AXDND1: variants seen among roughly 807,000 people sequenced by gnomAD.
The protein encoded by AXDND1 is axonemal dynein light chain domain containing 1.
Under a neutral mutation model 137.5 loss-of-function variants are expected in AXDND1, and 110 were observed. That is an observed-to-expected ratio of 0.80 (90% CI 0.69 to 0.94). The LOEUF (loss-of-function observed/expected upper bound fraction) is 0.94. Among genes scored for constraint, AXDND1 ranks in the 40% least tolerant of loss-of-function variants. The pLI is 0.00. For synonymous variants in AXDND1, 414 were observed against 399.7 expected (o/e 1.04, Z -0.43); for missense variants, 1,191 against 1,169.8 (o/e 1.02, Z -0.26).
intron 12 of AXDND1, among the ~76,000 whole-genome samples, chr1:179,425,034 C>T (rs1450208947): frequency 6.6e-6 from 1 of 152,176 alleles, no homozygotes; most frequent in African/African-American, 2.4e-5. Context: ...GAGTCACTCA[C>T]TTGTTCCTTG....
chr1:179,375,557 C>CACATATATGTACATACATATATGT lies in AXDND1; in HGVS notation c.375-3068_375-3045dup, dbSNP rs1295388672. ...TATGTATATACAGGTATATACTGTA[C>CACATATATGTACATACATATATGT]ACATATATGTACATACATATATGTA... On this transcript the variant is annotated intron_variant, in intron 4 of 25. Coordinates refer to ENST00000367618, the MANE Select transcript of AXDND1 (RefSeq NM_144696.6). Among the ~76,000 whole-genome samples, 81 of 150,054 alleles carry CACATATATGTACATACATATATGT rather than the reference C, an allele frequency of 5.4e-4. 1 individual carries two copies. The highest frequency in any genetic ancestry group is 1.8e-3 in the African/African-American group (72 of 40,788).
chr1:179,552,086 A>T (rs1572259384), intron 25 of AXDND1: 2 of 168,074 alleles, frequency 1.2e-5, no homozygotes, highest in Admixed American at 1.1e-4. Flanking sequence ...CCTCACCCAC[A>T]CCTCAGTTAC....
At chr1:179,369,077 A>C in intron 3 of AXDND1, 105 bp downstream of exon 3, 7 of 1,195,866 alleles carry the variant, frequency 5.9e-6, no homozygotes, top group Non-Finnish European at 8.0e-6. Flanking sequence ...GATAGCCTTA[A>C]AAATTTTAAG....
chr1:179,382,900 G>T, intron 7 of AXDND1, 144 bp downstream of exon 7: 2 of 539,884 alleles, frequency 3.7e-6, no homozygotes, highest in Non-Finnish European at 3.2e-6. Context: ...CATCTAATCA[G>T]TGTTTTCGTT....
At chr1:179,544,817 T>C (rs1672504431) in intron 25 of AXDND1, 1 of 152,166 alleles carries the variant, frequency 6.6e-6, no homozygotes, top group Admixed American at 6.5e-5. Flanking sequence ...CCCTGCAAAG[T>C]AGGTGGAGGA....
chr1:179,500,765 G>A (rs1214322408), intron 20 of AXDND1, among the ~76,000 whole-genome samples: 3 of 152,230 alleles, frequency 2.0e-5, no homozygotes, highest in South Asian at 2.1e-4. Flanking sequence ...TCTGCCTCTC[G>A]GGTTCAAGAG....
At chr1:179,498,750 A>G (rs758106236) in intron 20 of AXDND1, among the ~76,000 whole-genome samples, 3 of 152,204 alleles carry the variant, frequency 2.0e-5, no homozygotes, top group South Asian at 4.1e-4. Context: ...CAAATAACCC[A>G]CTTAAAAATG....
In AXDND1 at chr1:179,533,888, G is replaced by A; in HGVS notation, c.2798+11G>A. ...GCAGGAGAAGTTACTGTAAGTATGA[G>A]TCAACACAATGGTAAGAGGATGAAA... On this transcript the variant is annotated intron_variant, in intron 24 of 25. Transcript: ENST00000367618. 1 of 1,607,120 alleles carries A rather than the reference G, an allele frequency of 6.2e-7. No homozygotes were observed. Among genetic ancestry groups the A allele is most frequent in the Non-Finnish European group, 8.5e-7 (1 of 1,174,188 alleles).
intron 17 of AXDND1, 80 bp from the exon 18 acceptor site, chr1:179,483,048 A>G (rs1665613058): frequency 2.1e-6 from 2 of 948,234 alleles, no homozygotes; most frequent in Non-Finnish European, 1.6e-6. Context: ...CAGCCAAATA[A>G]AACTCTTTCT....
intron 4 of AXDND1, 67 bp from the exon 5 acceptor site, chr1:179,378,570 T>A (rs1436790186): frequency 7.9e-7 from 1 of 1,264,622 alleles, no homozygotes; most frequent in African/African-American, 1.5e-5. Flanking sequence ...TGTGTGGATC[T>A]CACCTGCTGT....
chr1:179,382,806 A>G, intron 7 of AXDND1, 50 bp downstream of exon 7: 3 of 1,369,546 alleles, frequency 2.2e-6, no homozygotes, highest in Non-Finnish European at 3.1e-6. Context: ...ATACCTATAT[A>G]CATACACATT....
intron 21 of AXDND1, 114 bp downstream of exon 21, chr1:179,509,517 A>G (rs1388262550): frequency 3.0e-6 from 2 of 675,486 alleles, no homozygotes; most frequent in Non-Finnish European, 4.9e-6. Flanking sequence ...TTACCCTAAC[A>G]TATGAGAATT....
intron 12 of AXDND1, among the ~76,000 whole-genome samples, chr1:179,423,503 C>T (rs1456868584): frequency 6.6e-6 from 1 of 152,000 alleles, no homozygotes; most frequent in African/African-American, 2.4e-5. Context: ...TTTATAACTC[C>T]TCTTTTCCTT....
rs1667790049 is a variant in AXDND1 at position 179,499,538 on chromosome 1, T to C, written c.2388+6587T>C. ...AGGTACAGGCTTTCTTGGGGCCTGATGAAAATATTCTAGGAATAGATTGCA... is the reference window on the plus strand; with the variant it reads ...AGGTACAGGCTTTCTTGGGGCCTGACGAAAATATTCTAGGAATAGATTGCA... On this transcript the variant is annotated intron_variant, in intron 20 of 25. Coordinates refer to ENST00000367618, the MANE Select transcript of AXDND1 (RefSeq NM_144696.6). 2.6e-5 allele frequency among the ~76,000 whole-genome samples: 4 copies of C among 152,268 alleles called. No individual in the cohort carries two copies. The South Asian group carries it at 8.3e-4, about 32-fold the overall frequency.
intron 21 of AXDND1, among the ~76,000 whole-genome samples, chr1:179,510,345 CATTGTT>C (rs1350252184): frequency 1.3e-5 from 2 of 152,142 alleles, no homozygotes; most frequent in Non-Finnish European, 2.9e-5. Context: ...AAGAAGCTCC[CATTGTT>C]ATCAGAGTCA....
intron 25 of AXDND1, among the ~76,000 whole-genome samples, chr1:179,553,627 A>G (rs1388707813): frequency 1.3e-5 from 2 of 152,236 alleles, no homozygotes; most frequent in Non-Finnish European, 2.9e-5. Context: ...CCCACTTAAC[A>G]AGTACAGGCT....
chr1:179,523,243 G>T (rs200853308), intron 21 of AXDND1, among the ~76,000 whole-genome samples: 3 of 144,916 alleles, frequency 2.1e-5, no homozygotes, highest in Non-Finnish European at 3.0e-5. Flanking sequence ...GATTGTTTTT[G>T]TTTTTTTTTT....
intron 25 of AXDND1, among the ~76,000 whole-genome samples, chr1:179,547,644 G>A (rs928361330): frequency 1.3e-5 from 2 of 152,132 alleles, no homozygotes; most frequent in Non-Finnish European, 2.9e-5. Flanking sequence ...TCTGGTATTT[G>A]CCAGGTTTGG....
intron 20 of AXDND1, among the ~76,000 whole-genome samples, chr1:179,501,156 T>A (rs1219952680): frequency 1.3e-5 from 2 of 152,216 alleles, no homozygotes; most frequent in African/African-American, 4.8e-5. Flanking sequence ...AACAGTTTTT[T>A]TTTCAACTTG....
Sources: allele counts gnomAD v4.1 joint callset (sites outside exome capture counted in the v4.1 genomes callset), GRCh38; gene constraint gnomAD v4.1.1; transcripts MANE v1.5; gene names NCBI Gene and HGNC (gene_info 2026-07-23, HGNC 2026-07-21).